Variants in LAMA3 observed in about 807,000 individuals in gnomAD.
The protein encoded by LAMA3 is laminin subunit alpha 3.
In LAMA3, 281 loss-of-function variants were observed where a neutral mutation model predicts 402.0. The ratio of observed to expected loss-of-function variants is 0.70; its 90% confidence interval spans 0.63 to 0.77. LAMA3 has a LOEUF of 0.77. LAMA3 is among the 30% of genes least tolerant of loss of function. The probability of loss-of-function intolerance (pLI) is 0.00; values close to 1 mark genes in which losing one functional copy is unlikely to be tolerated. For synonymous variants in LAMA3, 1,431 were observed against 1,558.4 expected (o/e 0.92, Z 1.93); for missense variants, 3,840 against 4,215.5 (o/e 0.91, Z 2.47).
intron 31 of LAMA3, 42 bp downstream of exon 31, chr18:23,846,550 C>T (rs937349564): frequency 1.6e-5 from 25 of 1,545,588 alleles, no homozygotes; most frequent in Admixed American, 8.9e-5. Context: ...GCTCTGGTCC[C>T]GTGTGGATGA....
At chr18:23,815,110 C>A in intron 15 of LAMA3, 78 bp from the exon 16 acceptor site, 2 of 1,287,326 alleles carry the variant, frequency 1.6e-6, no homozygotes, top group Non-Finnish European at 2.3e-6. Context: ...CGTTGTGTTG[C>A]AGCTGTGTAA....
intron 49 of LAMA3, among the ~76,000 whole-genome samples, 189 bp downstream of exon 49, chr18:23,903,314 T>C (rs984172204): frequency 5.3e-5 from 8 of 152,234 alleles, no homozygotes; most frequent in African/African-American, 1.7e-4. Flanking sequence ...TCTTCTTATG[T>C]TCATATGTAT....
At chr18:23,772,992 A>C (rs952334098) in intron 8 of LAMA3, among the ~76,000 whole-genome samples, 7 of 152,252 alleles carry the variant, frequency 4.6e-5, no homozygotes, top group Admixed American at 2.0e-4. Context: ...CATGAAACAG[A>C]GGTATTCAGA....
chr18:23,889,710 GAGGAAGGAAGGAAGAAAGGAAGGAA>G (rs1410546067), intron 41 of LAMA3, among the ~76,000 whole-genome samples: 1 of 85,986 alleles, frequency 1.2e-5, no homozygotes, highest in African/African-American at 4.0e-5. Flanking sequence ...GGGAGGAAGG[GAGGAAGGAAGGAAGAAAGGAAGGAA>G]AGGAAGGAAG....
Position 23,886,007 on chromosome 18 carries a change from C to T in LAMA3, c.5303+1154C>T, listed in dbSNP as rs372731388. Among the ~76,000 whole-genome samples, 3 of 152,250 alleles carry T rather than the reference C, an allele frequency of 2.0e-5. 1 individual carries two copies. The South Asian group carries it at 6.2e-4, about 32-fold the overall frequency. Reference sequence around the variant, plus strand: ...ATCTAATACTATGTTAGTAATATCTCTCCATATCAGTAAGTATTCACTGAT... The same window carrying T: ...ATCTAATACTATGTTAGTAATATCTTTCCATATCAGTAAGTATTCACTGAT... On this transcript the variant is annotated intron_variant, in intron 41 of 74. Coordinates refer to ENST00000313654, the MANE Select transcript of LAMA3 (RefSeq NM_198129.4).
At position 23,873,045 on chromosome 18, in the gene LAMA3, A is replaced by T. The variant is rs747547191; in HGVS notation, c.4998+1384A>T. The T allele has an allele frequency of 2.5e-6, 4 of 1,614,164 alleles. No homozygotes were observed. In the Admixed American group the frequency reaches 6.7e-5, roughly 27 times the overall value. ...AGCCAGCGGACGTCCAGGAACCGGG[A>T]TGCCTCCAGCAGTGAGGCGGTCAGC... On this transcript the variant is annotated intron_variant, in intron 38 of 74. Transcript: ENST00000313654.
chr18:23,817,248 T>C (rs2063194486), intron 18 of LAMA3, among the ~76,000 whole-genome samples: 1 of 152,180 alleles, frequency 6.6e-6, no homozygotes, highest in Admixed American at 6.5e-5. Context: ...ATTTTACCAT[T>C]TATAAACGTT....
At chr18:23,743,278 T>A (rs2061594089) in intron 2 of LAMA3, among the ~76,000 whole-genome samples, 1 of 152,196 alleles carries the variant, frequency 6.6e-6, no homozygotes, top group Non-Finnish European at 1.5e-5. Context: ...AGCCAGTGGG[T>A]GACAGGGCAG....
intron 38 of LAMA3, among the ~76,000 whole-genome samples, chr18:23,875,638 T>C (rs1477624680): frequency 6.6e-6 from 1 of 152,096 alleles, no homozygotes. Context: ...AAATCTCAGT[T>C]AAGACTCCTA....
intron 1 of LAMA3, among the ~76,000 whole-genome samples, chr18:23,706,077 C>A (rs2060884305): frequency 6.6e-6 from 1 of 152,108 alleles, no homozygotes; most frequent in Non-Finnish European, 1.5e-5. Context: ...AAAAGTATAT[C>A]ATGCTTTTTT....
At chr18:23,813,891 C>T (rs1381453220) in intron 14 of LAMA3, among the ~76,000 whole-genome samples, 1 of 152,120 alleles carries the variant, frequency 6.6e-6, no homozygotes, top group Non-Finnish European at 1.5e-5. Flanking sequence ...GTCTTCTTGG[C>T]CTCAGAGCCT....
At chr18:23,752,276 G>A (rs2061765927) in intron 5 of LAMA3, among the ~76,000 whole-genome samples, 1 of 151,950 alleles carries the variant, frequency 6.6e-6, no homozygotes, top group Non-Finnish European at 1.5e-5. Flanking sequence ...GTTCCTCCAT[G>A]TGCCCTGGAG....
chr18:23,907,351 T>G (rs1215691891), intron 52 of LAMA3, among the ~76,000 whole-genome samples, 199 bp from the exon 53 acceptor site: 1 of 152,304 alleles, frequency 6.6e-6, no homozygotes, highest in African/African-American at 2.4e-5. Context: ...CACAAGGCTC[T>G]GATTTGCTGC....
At chr18:23,916,423 A>G in intron 59 of LAMA3, 128 bp from the exon 60 acceptor site, 1 of 1,099,232 alleles carries the variant, frequency 9.1e-7, no homozygotes, top group Non-Finnish European at 1.4e-6. Context: ...TGCTTTAACA[A>G]AATTATGACA....
chr18:23,938,610 G>A (rs1368011375), intron 67 of LAMA3, among the ~76,000 whole-genome samples: 1 of 151,296 alleles, frequency 6.6e-6, no homozygotes, highest in African/African-American at 2.4e-5. Context: ...GTTAGGGGAG[G>A]TGGCCACAGG....
At position 23,758,420 on chromosome 18, in the gene LAMA3, C is replaced by T. The variant is rs1305651058; in HGVS notation, c.972C>T (p.His324=). 2 of 1,614,150 alleles carry T rather than the reference C, an allele frequency of 1.2e-6. No homozygotes were observed. Among genetic ancestry groups the T allele is most frequent in the African/African-American group, 1.3e-5 (1 of 75,078 alleles). The change falls in exon 7 of 75, where the codon CAC becomes CAT. Residue 324 remains histidine (H), a synonymous_variant. Coordinates refer to ENST00000313654, the MANE Select transcript of LAMA3 (RefSeq NM_198129.4). ...EKLFRCECQH[H]TCGETCDRCC... Reference sequence around the variant, plus strand: ...GGTTTCGGTGTGAATGCCAGCACCACACCTGTGGGGAGACGTGTGATCGCT... The same window carrying T: ...GGTTTCGGTGTGAATGCCAGCACCATACCTGTGGGGAGACGTGTGATCGCT...
intron 60 of LAMA3, among the ~76,000 whole-genome samples, chr18:23,917,699 G>A (rs932580525): frequency 1.3e-5 from 2 of 152,046 alleles, no homozygotes; most frequent in African/African-American, 4.8e-5. Flanking sequence ...ATTTTTAATG[G>A]GGTTGTTTGG....
intron 11 of LAMA3, among the ~76,000 whole-genome samples, chr18:23,779,262 A>G (rs75831384): frequency 1.4e-3 from 212 of 147,990 alleles, no homozygotes; most frequent in African/African-American, 5.1e-3. Context: ...GGTCTACTGT[A>G]TTGAAAGAAA....
chr18:23,895,105 C>A (rs543636391), intron 44 of LAMA3, 47 bp downstream of exon 44: 4 of 1,546,692 alleles, frequency 2.6e-6, no homozygotes, highest in Non-Finnish European at 3.5e-6. Context: ...GGAGATGCTG[C>A]GGGAGTGGAT....
Sources: gnomAD v4.1 joint callset for allele counts (sites outside exome capture counted in the v4.1 genomes callset) on GRCh38, gnomAD v4.1.1 for gene constraint, MANE v1.5 for transcripts, NCBI Gene and HGNC (gene_info 2026-07-23, HGNC 2026-07-21) for gene names.